The following SRSF11 variants were observed in gnomAD, a reference collection of about 807,000 sequenced individuals.
SRSF11 encodes serine/arginine-rich splicing factor 11.
Under a neutral mutation model 56.0 loss-of-function variants are expected in SRSF11, and 9 were observed. The ratio of observed to expected loss-of-function variants is 0.16; its 90% CI spans 0.10 to 0.28. SRSF11 has a LOEUF of 0.28. Among genes scored for constraint, SRSF11 ranks in the 10% least tolerant of loss-of-function variants. The pLI is 1.00. For synonymous variants in SRSF11, 222 were observed against 215.3 expected, an observed-to-expected ratio of 1.03 and a Z score of -0.27; for missense variants, 421 against 600.7, an observed-to-expected ratio of 0.70 and a Z score of 3.13.
chr1:70,229,315 G>A, intron 2 of SRSF11: 1 of 1,279,144 alleles, frequency 7.8e-7, no homozygotes, highest in South Asian at 1.3e-5. Flanking sequence ...GCACTCAAGT[G>A]CCCCAAGTGT....
rs1670575202 is a variant in SRSF11 at position 70,221,416 on chromosome 1, G to GT, written c.-217dup. 1 of 516,756 alleles carries GT rather than the reference G, an allele frequency of 1.9e-6. No homozygotes were observed. The highest frequency in any genetic ancestry group is 2.0e-5 in the African/African-American group (1 of 49,716). The allele number at this position is 516,756 out of a possible 1,614,324, so 32.0% of individuals were successfully genotyped here. A position where few individuals can be genotyped will look rare whatever the true frequency, so the allele number is the denominator to read the frequency against. On this transcript the variant is annotated 5_prime_UTR_variant, in exon 1 of 12. Transcript: ENST00000370949. ...TGGAGGCGAGGTGGGGCGGCCGTTT[G>GT]TTTTCTCGTGGTCTCGAGCTCGCGC...
chr1:70,237,606 A>AAG, intron 6 of SRSF11, 54 bp downstream of exon 6: 1 of 1,598,036 alleles, frequency 6.3e-7, no homozygotes, highest in African/African-American at 1.3e-5. Flanking sequence ...AATGATTTTG[A>AAG]CATAAATGTG....
rs772455136 is a variant in SRSF11 at position 70,228,724 on chromosome 1, A to G, written c.337+169A>G. 961 of 1,293,082 alleles carry G rather than the reference A, an allele frequency of 7.4e-4. 1 individual carries two copies. Among genetic ancestry groups the G allele is most frequent in the Non-Finnish European group, 8.7e-4 (885 of 1,019,484 alleles). 80.1% of individuals were successfully genotyped at this position (1,293,082 alleles called of 1,614,324 possible). A position where few individuals can be genotyped will look rare whatever the true frequency, so the allele number is the denominator to read the frequency against. On this transcript the variant is annotated intron_variant, in intron 2 of 11. Coordinates refer to ENST00000370949, the MANE Select transcript of SRSF11 (RefSeq NM_001350605.2). Reference sequence around the variant, plus strand: ...TTGCAGATTTTTTTTAATTCTAAAAATTAGAAATTAGGTCTGTTATTATAA... The same window carrying G: ...TTGCAGATTTTTTTTAATTCTAAAAGTTAGAAATTAGGTCTGTTATTATAA...
rs1672296936 is a variant in SRSF11, at chr1:70,228,537, G to A, written c.319G>A (p.Val107Ile). ...TGTATTCGTTGACAGAGCTTTGATAGTCGTACCATATGCAGAAGGTTTGTG... is the reference window on the plus strand; with the variant it reads ...TGTATTCGTTGACAGAGCTTTGATAATCGTACCATATGCAGAAGGTTTGTG... Reference protein sequence around the residue: ...NTVFVDRALIVVPYAEGVIPD... With the variant: ...NTVFVDRALIIVPYAEGVIPD... Residue 107 changes from valine to isoleucine, a missense_variant, in exon 2 of 12, where the codon GTC (valine) becomes ATC (isoleucine). Val to Ile is a conservative substitution (Grantham distance 29). Transcript: ENST00000370949. The A allele has an allele frequency of 6.2e-7, 1 of 1,613,116 alleles. No homozygotes were observed. The highest frequency in any genetic ancestry group is 1.3e-5 in the African/African-American group (1 of 74,854).
Position 70,239,477 on chromosome 1 carries a change from T to C in SRSF11, c.757T>C (p.Ser253Pro). ...EEKRRHSRSR[S>P]RSRRRRTPSS... The stretch of plus-strand genomic sequence containing the variant: ...AAAAAGAAGGCATTCAAGATCAAGA[T>C]CACGTTCTAGGAGGAGGAGGACTCC... The change falls in exon 7 of 12, where the codon TCA becomes CCA. Residue 253 changes from serine to proline, a missense_variant. Ser to Pro is a moderately conservative substitution (Grantham distance 74). This residue lies in a region of SRSF11 where 253 missense variants were observed against 305.8 expected (regional missense o/e 0.83). Transcript: ENST00000370949. 6.2e-7 allele frequency: 1 copy of C among 1,609,674 alleles called. No individual in the cohort carries two copies. Among genetic ancestry groups the C allele is most frequent in the Non-Finnish European group, 8.5e-7 (1 of 1,178,590 alleles).
chr1:70,230,151 A>G (rs760081569), intron 2 of SRSF11: 1 of 984,840 alleles, frequency 1.0e-6, no homozygotes, highest in Non-Finnish European at 1.2e-6. Context: ...AGTATATCAT[A>G]TAAATGACTT....
chr1:70,250,424 G>A lies in SRSF11; in HGVS notation c.1178G>A (p.Arg393Gln), dbSNP rs772470807. The change falls in exon 11 of 12, where the codon CGA becomes CAA. Residue 393 changes from arginine to glutamine, a missense_variant. Physicochemically the swap from Arg to Gln is conservative, Grantham distance 43. Coordinates refer to ENST00000370949, the MANE Select transcript of SRSF11 (RefSeq NM_001350605.2). ...GAAAGAAGTAGGGATGAAAGAGAAC[G>A]ATCAACAAGCAAGAAGAAGAAGAGT... ...DKERSRDERE[R>Q]STSKKKKSKD... The A allele has an allele frequency of 6.1e-5, 98 of 1,594,096 alleles. No homozygotes were observed. The highest frequency in any genetic ancestry group is 1.7e-4 in the Middle Eastern group (1 of 6,042).
intron 8 of SRSF11, among the ~76,000 whole-genome samples, chr1:70,246,332 C>T (rs1364112419): frequency 2.0e-5 from 3 of 151,794 alleles, no homozygotes; most frequent in Non-Finnish European, 4.4e-5. Context: ...CTGAATAGTT[C>T]ATAATAGCCG....
chr1:70,242,852 A>C (rs1675801337), intron 7 of SRSF11, among the ~76,000 whole-genome samples: 1 of 152,098 alleles, frequency 6.6e-6, no homozygotes, highest in Non-Finnish European at 1.5e-5. Flanking sequence ...CTTTTATTTA[A>C]ATCAGGCAGT....
At chr1:70,233,314 G>C (rs1014190506) in intron 3 of SRSF11, among the ~76,000 whole-genome samples, 2 of 151,780 alleles carry the variant, frequency 1.3e-5, no homozygotes, top group African/African-American at 4.8e-5. Flanking sequence ...GCACAGTCTC[G>C]GCTCACCGCA....
chr1:70,230,203 T>A (rs994484029), intron 2 of SRSF11: 2 of 984,302 alleles, frequency 2.0e-6, no homozygotes, highest in African/African-American at 3.5e-5. Context: ...CTAGACCTAT[T>A]TTTGGAAGTG....
intron 6 of SRSF11, 81 bp downstream of exon 6, chr1:70,237,633 C>A: frequency 1.3e-6 from 2 of 1,559,232 alleles, no homozygotes; most frequent in Non-Finnish European, 1.7e-6. Context: ...TGTTGAGTGA[C>A]ACCCTAGTCG....
chr1:70,218,751 CA>C (rs1670245190), upstream of SRSF11: 1 of 152,188 alleles, frequency 6.6e-6, no homozygotes, highest in Non-Finnish European at 1.5e-5. Context: ...CTGGCAGTTA[CA>C]TATGTCTGAT....
At chr1:70,219,009 A>C (rs1414622730), upstream of SRSF11, among the ~76,000 whole-genome samples, 2 of 152,240 alleles carry the variant, frequency 1.3e-5, no homozygotes, top group Non-Finnish European at 2.9e-5. Context: ...GAGTATCCCT[A>C]ATCCAAACCA....
rs754573500 is a variant in SRSF11, at chr1:70,250,515, A to G, written c.1257+12A>G. ...ATAAAGATGTAAAAGTATGTTTACA[A>G]ATTGATTTATTTTTATATTTGGGGT... On this transcript the variant is annotated intron_variant, in intron 11 of 11. Coordinates refer to ENST00000370949, the MANE Select transcript of SRSF11 (RefSeq NM_001350605.2). 9 of 1,606,288 alleles carry G rather than the reference A, an allele frequency of 5.6e-6. No individual in the cohort carries two copies. The highest frequency in any genetic ancestry group is 3.4e-5 in the Admixed American group (2 of 59,052).
In SRSF11 at chr1:70,236,453, C is replaced by T. The variant is rs559956321; in HGVS notation, c.590+903C>T. Among the ~76,000 whole-genome samples the T allele has an allele frequency of 3.0e-4, 46 of 151,608 alleles. No homozygotes were observed. The South Asian group carries it at 9.4e-3, about 31-fold the overall frequency. Reference sequence around the variant, plus strand: ...TCAAGCAATTCTTTTGCCTTAGCCTCCCAAGTAGCTGGGACTATGGGCACA... The same window carrying T: ...TCAAGCAATTCTTTTGCCTTAGCCTTCCAAGTAGCTGGGACTATGGGCACA... On this transcript the variant is annotated intron_variant, in intron 5 of 11. Coordinates refer to ENST00000370949, the MANE Select transcript of SRSF11 (RefSeq NM_001350605.2).
chr1:70,236,792 A>ATTTTTTTTT (rs35602423), intron 5 of SRSF11, among the ~76,000 whole-genome samples: 7 of 83,738 alleles, frequency 8.4e-5, no homozygotes, highest in African/African-American at 1.7e-4. Context: ...TATGTCATAA[A>ATTTTTTTTT]TTTTTTTTTT....
At chr1:70,212,177 T>A (rs878879950) in intron 1 of SRSF11, among the ~76,000 whole-genome samples, 6 of 152,222 alleles carry the variant, frequency 3.9e-5, no homozygotes, top group Admixed American at 3.9e-4. Flanking sequence ...ATTTTACTTT[T>A]AAAATTTATG....
intron 2 of SRSF11, chr1:70,230,305 T>C: frequency 9.7e-7 from 1 of 1,035,988 alleles, no homozygotes; most frequent in Non-Finnish European, 1.2e-6. Context: ...TGATATGCTG[T>C]ATTAATGTTA....
Sources: allele counts gnomAD v4.1 joint callset (sites outside exome capture counted in the v4.1 genomes callset), GRCh38; gene constraint gnomAD v4.1.1; regional missense constraint gnomAD v4.1.1; transcripts MANE v1.5; gene names NCBI Gene and HGNC (gene_info 2026-07-23, HGNC 2026-07-21).